ITGA9: variants seen among roughly 807,000 people sequenced by gnomAD.
ITGA9 encodes the protein integrin subunit alpha 9, also known as integrin alpha-9.
Under a neutral mutation model 127.8 loss-of-function variants are expected in ITGA9, and 56 were observed. The ratio of observed to expected loss-of-function variants is 0.44; its 90% CI spans 0.35 to 0.55. The LOEUF is 0.55. Ranked by LOEUF, ITGA9 falls within the 20% of genes least tolerant of loss-of-function variation. The pLI is 0.00. For synonymous variants in ITGA9, 508 were observed against 514.5 expected (o/e 0.99, Z 0.17); for missense variants, 1,196 against 1,347.1 (o/e 0.89, Z 1.76).
chr3:37,538,369 G>A (rs1370709655), intron 14 of ITGA9, among the ~76,000 whole-genome samples: 2 of 152,248 alleles, frequency 1.3e-5, no homozygotes, highest in African/African-American at 2.4e-5. Context: ...GGGCAGGGCA[G>A]GGAGGTGGCT....
chr3:37,731,257 G>A (rs755874930), intron 18 of ITGA9, among the ~76,000 whole-genome samples: 7 of 151,872 alleles, frequency 4.6e-5, no homozygotes, highest in Non-Finnish European at 8.8e-5. Flanking sequence ...TCGCACTCTC[G>A]CCCAGGCTGG....
chr3:37,465,601 A>C (rs951975002), intron 1 of ITGA9, among the ~76,000 whole-genome samples: 1 of 152,224 alleles, frequency 6.6e-6, no homozygotes, highest in Non-Finnish European at 1.5e-5. Context: ...ATGCACCCAC[A>C]CTGCTTATTA....
intron 16 of ITGA9, among the ~76,000 whole-genome samples, chr3:37,641,295 G>A (rs956228268): frequency 1.3e-5 from 2 of 151,986 alleles, no homozygotes; most frequent in African/African-American, 4.8e-5. Flanking sequence ...AAACCATCCC[G>A]CCCCCTCCAC....
At chr3:37,539,560 T>G (rs1054125013) in intron 14 of ITGA9, among the ~76,000 whole-genome samples, 11 of 152,246 alleles carry the variant, frequency 7.2e-5, no homozygotes, top group Admixed American at 4.6e-4. Context: ...TTTATTTTTT[T>G]GGGAACCTTA....
chr3:37,532,267 C>T (rs1699159811), intron 13 of ITGA9, among the ~76,000 whole-genome samples: 2 of 152,196 alleles, frequency 1.3e-5, no homozygotes, highest in South Asian at 2.1e-4. Flanking sequence ...GTCCCCTCAC[C>T]CTATCTGTGC....
intron 15 of ITGA9, among the ~76,000 whole-genome samples, chr3:37,622,299 C>T (rs1479819564): frequency 1.3e-5 from 2 of 151,900 alleles, no homozygotes; most frequent in Non-Finnish European, 2.9e-5. Context: ...CCGTGTTAGC[C>T]AGGATGGTCT....
intron 22 of ITGA9, chr3:37,745,586 A>C (rs1159916449): frequency 2.0e-5 from 3 of 152,186 alleles, no homozygotes; most frequent in Non-Finnish European, 4.4e-5. Flanking sequence ...TGTAGTTCAG[A>C]AAATTATTTA....
intron 18 of ITGA9, among the ~76,000 whole-genome samples, chr3:37,688,563 C>G (rs1409636326): frequency 6.6e-6 from 1 of 152,192 alleles, no homozygotes; most frequent in Non-Finnish European, 1.5e-5. Flanking sequence ...TCCTCAGCTC[C>G]TCATGAGAGG....
intron 17 of ITGA9, among the ~76,000 whole-genome samples, chr3:37,666,402 C>T (rs1240240316): frequency 1.3e-5 from 2 of 152,218 alleles, no homozygotes; most frequent in Non-Finnish European, 2.9e-5. Flanking sequence ...AAACCAGCCA[C>T]CATTTGTTTA....
chr3:37,478,306 A>C (rs934193178), intron 3 of ITGA9, among the ~76,000 whole-genome samples: 6 of 152,144 alleles, frequency 3.9e-5, no homozygotes, highest in Admixed American at 1.3e-4. Flanking sequence ...CGAATGTAGG[A>C]GGGTTGGCAG....
rs1575154361 is a variant in ITGA9 at position 37,572,744 on chromosome 3, A to G, written c.1689+30159A>G. ...ACCTACTCAAGGTTATGTTTTGTAG[A>G]TGCTAACAGTGTACATTCTAGAGAA... On this transcript the variant is annotated intron_variant, in intron 15 of 27. Coordinates refer to ENST00000264741, the MANE Select transcript of ITGA9 (RefSeq NM_002207.3). Among the ~76,000 whole-genome samples the G allele has an allele frequency of 2.6e-5, 4 of 152,336 alleles. 1 individual carries two copies. The East Asian group carries it at 7.7e-4, about 29-fold the overall frequency.
intron 18 of ITGA9, among the ~76,000 whole-genome samples, chr3:37,713,597 G>A (rs1024849444): frequency 5.3e-5 from 8 of 152,212 alleles, no homozygotes; most frequent in African/African-American, 1.4e-4. Context: ...GGGAGGGGGT[G>A]CGGGAGGTAC....
chr3:37,542,569 A>C lies in ITGA9; in HGVS notation c.1673A>C (p.Tyr558Ser). 1.9e-6 allele frequency: 3 copies of C among 1,614,094 alleles called. No individual in the cohort carries two copies. The highest frequency in any genetic ancestry group is 1.1e-5 in the South Asian group (1 of 91,072). Residue 558 changes from tyrosine to serine, a missense_variant, in exon 15 of 28, where the codon TAT (tyrosine) becomes TCT (serine). Coordinates refer to ENST00000264741, the MANE Select transcript of ITGA9 (RefSeq NM_002207.3). Reference sequence around the variant, plus strand: ...TACATGGAGGAGACGTGTCGTCACTATGTGGCCCATGTGAAGGTCAGTCCT... The same window carrying C: ...TACATGGAGGAGACGTGTCGTCACTCTGTGGCCCATGTGAAGGTCAGTCCT... ...LTYMEETCRH[Y>S]VAHVKRRVQD... is the part of the protein sequence containing the mutation.
intron 1 of ITGA9, among the ~76,000 whole-genome samples, chr3:37,455,523 G>C (rs1698246079): frequency 6.6e-6 from 1 of 152,034 alleles, no homozygotes; most frequent in Non-Finnish European, 1.5e-5. Context: ...ACCTACATGG[G>C]GGTGACTTAA....
At chr3:37,705,098 G>A (rs529355985) in intron 18 of ITGA9, among the ~76,000 whole-genome samples, 1 of 152,304 alleles carries the variant, frequency 6.6e-6, no homozygotes, top group South Asian at 2.1e-4. Flanking sequence ...TGGCATGAAT[G>A]TTGGCTGGCT....
chr3:37,460,396 CAA>C (rs1698303589), intron 1 of ITGA9, among the ~76,000 whole-genome samples: 1 of 151,972 alleles, frequency 6.6e-6, no homozygotes, highest in Non-Finnish European at 1.5e-5. Context: ...AACAAAATGA[CAA>C]TAGTCAACAA....
intron 23 of ITGA9, among the ~76,000 whole-genome samples, chr3:37,765,871 CT>C (rs1379379225): frequency 1.3e-5 from 2 of 152,238 alleles, no homozygotes; most frequent in African/African-American, 2.4e-5. Flanking sequence ...GCCCAAATGT[CT>C]TGTGCTCACA....
intron 19 of ITGA9, among the ~76,000 whole-genome samples, chr3:37,734,120 T>C (rs563910479): frequency 2.6e-5 from 4 of 152,176 alleles, no homozygotes; most frequent in African/African-American, 9.7e-5. Flanking sequence ...GGCCCATGAC[T>C]CCTCGGATTT....
chr3:37,452,666 G>A lies in ITGA9; in HGVS notation c.185+107G>A. 1.9e-6 allele frequency: 2 copies of A among 1,040,800 alleles called. No homozygotes were observed. Among genetic ancestry groups the A allele is most frequent in the Non-Finnish European group, 2.6e-6 (2 of 773,224 alleles). The allele number at this position is 1,040,800 out of a possible 1,614,324, so 64.5% of individuals were successfully genotyped here. ...GGTCTCTTCCACGCCGCCGTCCCGA[G>A]GGGGCGATTTAAATGTCTCCGTTGC... On this transcript the variant is annotated intron_variant, in intron 1 of 27. Coordinates refer to ENST00000264741, the MANE Select transcript of ITGA9 (RefSeq NM_002207.3). The surrounding 1 kb of genome is among the most constrained non-coding windows in gnomAD (Gnocchi z 7.3).
Sources: allele counts gnomAD v4.1 joint callset (sites outside exome capture counted in the v4.1 genomes callset), GRCh38; gene constraint gnomAD v4.1.1; non-coding constraint Gnocchi (gnomAD v3.1); transcripts MANE v1.5; gene names NCBI Gene and HGNC (gene_info 2026-07-23, HGNC 2026-07-21).